The following PALM2AKAP2 variants were observed in gnomAD, a reference collection of about 807,000 sequenced individuals.
PALM2AKAP2 encodes the protein PALM2-AKAP2 fusion protein.
Under a neutral mutation model 71.5 loss-of-function variants are expected in PALM2AKAP2, and 37 were observed. That is an observed-to-expected ratio of 0.52 (90% CI 0.40 to 0.68). PALM2AKAP2 has a LOEUF of 0.68. PALM2AKAP2 is among the 30% of genes least tolerant of loss of function. PALM2AKAP2 has a pLI of 0.00. For synonymous variants in PALM2AKAP2, 468 were observed against 478.8 expected (o/e 0.98, Z 0.29); for missense variants, 1,224 against 1,191.8 (o/e 1.03, Z -0.40).
chr9:109,762,366 C>T (rs1829069322), intron 1 of PALM2AKAP2, among the ~76,000 whole-genome samples: 1 of 152,084 alleles, frequency 6.6e-6, no homozygotes, highest in Admixed American at 6.5e-5. Flanking sequence ...TCTAAGTTTC[C>T]ACTTTTAATT....
At chr9:110,007,984 A>T (rs1306690645) in intron 6 of PALM2AKAP2, among the ~76,000 whole-genome samples, 1 of 152,154 alleles carries the variant, frequency 6.6e-6, no homozygotes, top group Non-Finnish European at 1.5e-5. Flanking sequence ...CTTCCTTCTG[A>T]GTGTGAGGCA....
chr9:109,996,055 C>A (rs1832569769), intron 6 of PALM2AKAP2, among the ~76,000 whole-genome samples: 1 of 152,162 alleles, frequency 6.6e-6, no homozygotes, highest in Admixed American at 6.5e-5. Context: ...CTGACCCTTC[C>A]AAGAGCACAA....
chr9:109,816,371 G>T (rs1465830113), intron 1 of PALM2AKAP2, among the ~76,000 whole-genome samples: 2 of 152,184 alleles, frequency 1.3e-5, no homozygotes, highest in Non-Finnish European at 2.9e-5. Flanking sequence ...GAAGACAGGA[G>T]GGCTATGATG....
exon 1 of PALM2AKAP2, chr9:110,048,835 C>T (rs1833652565): frequency 2.0e-6 from 3 of 1,530,656 alleles, no homozygotes; most frequent in Non-Finnish European, 2.6e-6. Flanking sequence ...GGACTGCGCC[C>T]CCGGGAGCGG....
At chr9:109,921,046 T>G (rs1191298722) in intron 3 of PALM2AKAP2, among the ~76,000 whole-genome samples, 1 of 152,230 alleles carries the variant, frequency 6.6e-6, no homozygotes, top group East Asian at 1.9e-4. Context: ...CAAAGAAGTT[T>G]TACATCTTTA....
At chr9:109,796,575 A>G (rs1403386748) in intron 1 of PALM2AKAP2, among the ~76,000 whole-genome samples, 1 of 152,208 alleles carries the variant, frequency 6.6e-6, no homozygotes, top group Non-Finnish European at 1.5e-5. Flanking sequence ...GAGACTGGGT[A>G]ATTTGTAAAG....
intron 1 of PALM2AKAP2, among the ~76,000 whole-genome samples, chr9:110,125,144 G>T (rs191135519): frequency 4.1e-4 from 62 of 152,302 alleles, no homozygotes; most frequent in African/African-American, 1.4e-3. Context: ...TCTAACTGGA[G>T]ATTTCTCCAG....
intron 1 of PALM2AKAP2, among the ~76,000 whole-genome samples, chr9:109,852,014 C>G (rs983779771): frequency 6.6e-6 from 1 of 151,932 alleles, no homozygotes; most frequent in Non-Finnish European, 1.5e-5. Context: ...ACCTGGTTCC[C>G]CATCAATAGG....
At chr9:109,698,271 C>CT (rs1564117062) in intron 1 of PALM2AKAP2, among the ~76,000 whole-genome samples, 4 of 137,610 alleles carry the variant, frequency 2.9e-5, no homozygotes, top group Admixed American at 1.4e-4. Context: ...ATGTGTGCTA[C>CT]ATTTTTTTTT....
intron 6 of PALM2AKAP2, among the ~76,000 whole-genome samples, chr9:109,957,985 G>C (rs1831780278): frequency 6.6e-6 from 1 of 152,192 alleles, no homozygotes; most frequent in Non-Finnish European, 1.5e-5. Context: ...TCTGTCATTG[G>C]CCAGCTGAGT....
chr9:110,035,677 T>C (rs1833386947), intron 7 of PALM2AKAP2, among the ~76,000 whole-genome samples: 1 of 122,664 alleles, frequency 8.2e-6, no homozygotes, highest in East Asian at 2.4e-4. Context: ...TTGTGTGTTA[T>C]ATATAACATA....
At chr9:109,759,137 T>C (rs1829011485) in intron 1 of PALM2AKAP2, among the ~76,000 whole-genome samples, 1 of 152,108 alleles carries the variant, frequency 6.6e-6, no homozygotes, top group Admixed American at 6.6e-5. Flanking sequence ...CCAGTGTATT[T>C]TCTCTCCTGA....
At chr9:110,033,503 A>C (rs1833323249) in intron 7 of PALM2AKAP2, among the ~76,000 whole-genome samples, 1 of 152,180 alleles carries the variant, frequency 6.6e-6, no homozygotes. Flanking sequence ...TAACACTCAA[A>C]ATGACACCAT....
chr9:109,723,216 C>T (rs1828430069), intron 1 of PALM2AKAP2, among the ~76,000 whole-genome samples: 1 of 152,118 alleles, frequency 6.6e-6, no homozygotes, highest in South Asian at 2.1e-4. Context: ...GCTTAAAGGC[C>T]CATCTCCGCT....
intron 1 of PALM2AKAP2, among the ~76,000 whole-genome samples, chr9:109,694,014 G>C (rs1191395730): frequency 6.6e-6 from 1 of 151,840 alleles, no homozygotes; most frequent in Non-Finnish European, 1.5e-5. Flanking sequence ...TACTTGGCTT[G>C]TTTTCTGCTC....
intron 7 of PALM2AKAP2, among the ~76,000 whole-genome samples, chr9:110,038,642 A>T (rs1302872017): frequency 9.2e-5 from 14 of 152,034 alleles, no homozygotes; most frequent in Non-Finnish European, 1.9e-4. Context: ...AATTTCTCTT[A>T]AAAAAATTAT....
chr9:109,763,219 C>T (rs1045784492), intron 1 of PALM2AKAP2, among the ~76,000 whole-genome samples: 7 of 152,124 alleles, frequency 4.6e-5, no homozygotes, highest in African/African-American at 1.7e-4. Context: ...GGAGGGACCA[C>T]AAAAGCCTGA....
intron 7 of PALM2AKAP2, among the ~76,000 whole-genome samples, chr9:110,020,451 G>A (rs868844388): frequency 6.6e-6 from 1 of 152,100 alleles, no homozygotes; most frequent in African/African-American, 2.4e-5. Context: ...GGGAGGCCGA[G>A]GTGGGTGGAT....
In PALM2AKAP2 at chr9:109,922,421, C is replaced by CAAAAAAAAAA. The variant is rs398011831; in HGVS notation, c.258-1287_258-1278dup. Among the ~76,000 whole-genome samples, 8 of 19,238 alleles carry CAAAAAAAAAA rather than the reference C, an allele frequency of 4.2e-4. 3 individuals are homozygous for CAAAAAAAAAA. Among genetic ancestry groups the CAAAAAAAAAA allele is most frequent in the Admixed American group, 1.1e-3 (1 of 944 alleles). 12.6% of individuals were successfully genotyped at this position (19,238 alleles called of 152,430 possible). On this transcript the variant is annotated intron_variant, in intron 3 of 9. Transcript: ENST00000302798. Reference sequence around the variant, plus strand: ...TGGGTGACAGAGTGAGACTCTATCTCAAAAAAAAAAAAAAAAAAAAAAAAA... The same window carrying CAAAAAAAAAA: ...TGGGTGACAGAGTGAGACTCTATCTCAAAAAAAAAAAAAAAAAAAAAAAAAAAAAAAAAAA...
Sources: allele counts gnomAD v4.1 joint callset (sites outside exome capture counted in the v4.1 genomes callset), GRCh38; gene constraint gnomAD v4.1.1; transcripts MANE v1.5; gene names NCBI Gene and HGNC (gene_info 2026-07-23, HGNC 2026-07-21).